DAPK3: variants seen among roughly 807,000 people sequenced by gnomAD.
The protein encoded by DAPK3 is death associated protein kinase 3, also known as death-associated protein kinase 3.
Under a neutral mutation model 30.6 loss-of-function variants are expected in DAPK3, and 24 were observed. The ratio of observed to expected loss-of-function variants is 0.78; its 90% CI spans 0.57 to 1.10. The LOEUF (loss-of-function observed/expected upper bound fraction) is 1.10, where lower values mean the gene tolerates loss of function less well. Ranked by LOEUF, DAPK3 falls within the 50% of genes least tolerant of loss-of-function variation. The pLI, the probability that DAPK3 is intolerant of heterozygous loss-of-function variation, is 0.00. For missense variants in DAPK3, 629 were observed against 657.3 expected, an observed-to-expected ratio of 0.96 and a Z score of 0.47; for synonymous variants, 341 against 284.0, an observed-to-expected ratio of 1.20 and a Z score of -2.02.
chr19:3,964,586 C>G (rs763920461), intron 3 of DAPK3, 45 bp downstream of exon 3: 1 of 1,558,624 alleles, frequency 6.4e-7, no homozygotes, highest in Non-Finnish European at 8.7e-7. Flanking sequence ...CCATCCCCAC[C>G]CCCACACTGG....
chr19:3,960,945 C>T, intron 7 of DAPK3, 64 bp downstream of exon 7: 1 of 1,569,602 alleles, frequency 6.4e-7, no homozygotes, highest in Non-Finnish European at 8.7e-7. Context: ...CCTCTGGAGC[C>T]TCCGTGGGTG....
Position 3,969,627 on chromosome 19 carries a change from G to A in DAPK3, c.62+47C>T, listed in dbSNP as rs147482057. The A allele has an allele frequency of 3.1e-4, 386 of 1,229,820 alleles. No individual in the cohort carries two copies. The East Asian group carries it at 3.2e-3, about 10-fold the overall frequency. The allele number at this position is 1,229,820 out of a possible 1,614,324, so 76.2% of individuals were successfully genotyped here. ...GCTGCTGTTCAGAAAACCCCACAGC[G>A]CCTCTCTCCTATCCCTGGAGCCCAG... is the stretch of plus-strand genomic sequence containing the variant. On this transcript the variant is annotated intron_variant, in intron 2 of 8. Coordinates refer to ENST00000545797, the MANE Select transcript of DAPK3 (RefSeq NM_001348.3).
chr19:3,967,344 C>G (rs2039588794), intron 2 of DAPK3, among the ~76,000 whole-genome samples: 1 of 152,040 alleles, frequency 6.6e-6, no homozygotes, highest in African/African-American at 2.4e-5. Flanking sequence ...CCCAGCTACT[C>G]GGGAGGCTGA....
rs2039484963 is a variant in DAPK3 at position 3,959,846 on chromosome 19, ACACACCAGCCAAG to A, written c.828+200_829-210del. ...GCCCCAGGAGTCAGCCCCGTTGGACACACACCAGCCAAGGATGCCACCAGGTCTGTCGGGTGCT... is the reference window on the plus strand; with the variant it reads ...GCCCCAGGAGTCAGCCCCGTTGGACAGATGCCACCAGGTCTGTCGGGTGCT... On this transcript the variant is annotated intron_variant, in intron 8 of 8. Coordinates refer to ENST00000545797, the MANE Select transcript of DAPK3 (RefSeq NM_001348.3). 4.6e-6 allele frequency: 3 copies of A among 656,312 alleles called. No individual in the cohort carries two copies. In the African/African-American group the frequency reaches 5.5e-5, roughly 12 times the overall value. The allele number at this position is 656,312 out of a possible 1,614,324, so 40.7% of individuals were successfully genotyped here.
rs2039558104 is a variant in DAPK3, at chr19:3,964,729, CCTT to C, written c.322_324del (p.Lys108del). 4.3e-6 allele frequency: 7 copies of C among 1,612,912 alleles called. No homozygotes were observed. The highest frequency in any genetic ancestry group is 5.1e-6 in the Non-Finnish European group (6 of 1,179,612). Reference sequence around the variant, plus strand: ...GTGGCCTCGTCCTCCGTCAGCGACTCCTTCTCCGCCAGGAAGTCAAAGAGCTCC... The same window carrying C: ...GTGGCCTCGTCCTCCGTCAGCGACTCCTCCGCCAGGAAGTCAAAGAGCTCC... On this transcript the variant is annotated inframe_deletion, in exon 3 of 9. Transcript: ENST00000545797.
chr19:3,963,298 C>T (rs558640902), intron 6 of DAPK3, among the ~76,000 whole-genome samples: 2 of 152,264 alleles, frequency 1.3e-5, no homozygotes, highest in Non-Finnish European at 2.9e-5. Context: ...AGCAGGCCCA[C>T]GTGTGGCCCA....
At chr19:3,966,655 G>A (rs976466474) in intron 2 of DAPK3, among the ~76,000 whole-genome samples, 4 of 152,140 alleles carry the variant, frequency 2.6e-5, no homozygotes. Context: ...AGTGGACTTC[G>A]GCCCCGGGGA....
At chr19:3,959,809 G>A (rs1454678017) in intron 8 of DAPK3, 172 bp from the exon 9 acceptor site, 3 of 781,286 alleles carry the variant, frequency 3.8e-6, no homozygotes, top group East Asian at 5.4e-5. Flanking sequence ...CGAGAAAAAC[G>A]CTGCGGCCCT....
Position 3,964,285 on chromosome 19 carries a change from C to A in DAPK3, c.512G>T (p.Gly171Val). 1 of 1,613,716 alleles carries A rather than the reference C, an allele frequency of 6.2e-7. No homozygotes were observed. The highest frequency in any genetic ancestry group is 8.5e-7 in the Non-Finnish European group (1 of 1,179,658). The change falls in exon 4 of 9, where the codon GGG becomes GTG. Residue 171 changes from glycine to valine, a missense_variant. By Grantham distance (109) the Gly-to-Val change is moderately radical. Around this residue, in one of 2 missense-constraint regions of DAPK3, gnomAD observed 306 missense variants for 378.5 expected, o/e 0.81. Transcript: ENST00000545797. ...GCCGAAGATGTTCTTGAACTCGTTCCCCGCCTCGATCTTGTGCGCGATGCC... is the reference window on the plus strand; with the variant it reads ...GCCGAAGATGTTCTTGAACTCGTTCACCGCCTCGATCTTGTGCGCGATGCC... ...DFGIAHKIEA[G>V]NEFKNIFGTP...
rs2039616216 is a variant in DAPK3 at position 3,969,802 on chromosome 19, G to C, written c.-67C>G. 1.7e-6 allele frequency: 2 copies of C among 1,169,740 alleles called. No homozygotes were observed. Among genetic ancestry groups the C allele is most frequent in the Non-Finnish European group, 2.6e-6 (2 of 783,504 alleles). The allele number at this position is 1,169,740 out of a possible 1,614,324, so 72.5% of individuals were successfully genotyped here. ...GTGCAGTCACCGCAGCCTGGAGATA[G>C]GACCTCAGGAGTCCCCTAATGGCAA... On this transcript the variant is annotated 5_prime_UTR_variant, in exon 2 of 9. Coordinates refer to ENST00000545797, the MANE Select transcript of DAPK3 (RefSeq NM_001348.3).
Position 3,963,887 on chromosome 19 carries a change from G to A in DAPK3, c.586C>T (p.Leu196=), listed in dbSNP as rs747596140. ...TACACTCACCACATGTCCGCCTCCA[G>A]GCCCAGCGGCTCATAGTTCACAATC... ...PEIVNYEPLG[L]EADMWSIGVI... is the part of the protein sequence containing the mutation. Residue 196 remains leucine, a synonymous_variant, in exon 5 of 9, where the codon CTG becomes TTG. Coordinates refer to ENST00000545797, the MANE Select transcript of DAPK3 (RefSeq NM_001348.3). The A allele has an allele frequency of 1.2e-6, 2 of 1,603,924 alleles. No individual in the cohort carries two copies. The highest frequency in any genetic ancestry group is 3.4e-5 in the Admixed American group (2 of 59,662).
chr19:3,964,125 G>C (rs1226830256), intron 4 of DAPK3, 119 bp downstream of exon 4: 11 of 975,766 alleles, frequency 1.1e-5, no homozygotes, highest in Middle Eastern at 2.3e-4. Context: ...GGGCCCAAGA[G>C]GGGTGGCTTC....
chr19:3,964,226 C>G lies in DAPK3; in HGVS notation c.553+18G>C, dbSNP rs1343094154. On this transcript the variant is annotated intron_variant, in intron 4 of 8. Transcript: ENST00000545797. ...CCACCCTCCCCAGGCCGGGGCTGCC[C>G]ACTGGGCAGGGCCTCACCCACAAAC... The G allele has an allele frequency of 1.3e-6, 2 of 1,595,016 alleles. No homozygotes were observed. The highest frequency in any genetic ancestry group is 1.7e-6 in the Non-Finnish European group (2 of 1,166,306).
Position 3,965,067 on chromosome 19 carries a change from C to T in DAPK3, c.63-76G>A, listed in dbSNP as rs1211212975. The T allele has an allele frequency of 1.4e-5, 11 of 759,344 alleles. No homozygotes were observed. The Admixed American group carries it at 2.1e-4, about 15-fold the overall frequency. 47.0% of individuals were successfully genotyped at this position (759,344 alleles called of 1,614,324 possible). A position where few individuals can be genotyped will look rare whatever the true frequency, so the allele number is the denominator to read the frequency against. On this transcript the variant is annotated intron_variant, in intron 2 of 8. Transcript: ENST00000545797. The stretch of plus-strand genomic sequence containing the variant: ...GTGGGGGTGGCTGGCTCCCCGTCAC[C>T]TCCACTTGCTCCTCTTGGGCGCGGC...
At chr19:3,965,103 G>A in intron 2 of DAPK3, 112 bp from the exon 3 acceptor site, 1 of 640,728 alleles carries the variant, frequency 1.6e-6, no homozygotes. Context: ...CCTGCACCAG[G>A]CACTTGAAGG....
At chr19:3,961,207 A>G (rs566367077) in intron 6 of DAPK3, 46 bp from the exon 7 acceptor site, 2 of 1,541,376 alleles carry the variant, frequency 1.3e-6, no homozygotes, top group South Asian at 2.3e-5. Flanking sequence ...GGCTCCCACC[A>G]CGGCCGCGCC....
At chr19:3,967,932 A>G (rs921282455) in intron 2 of DAPK3, among the ~76,000 whole-genome samples, 11 of 152,360 alleles carry the variant, frequency 7.2e-5, no homozygotes, top group African/African-American at 2.6e-4. Context: ...CATGAAATAC[A>G]CACCAGACCT....
At chr19:3,965,985 G>T (rs990187664) in intron 2 of DAPK3, among the ~76,000 whole-genome samples, 2 of 152,018 alleles carry the variant, frequency 1.3e-5, no homozygotes, top group African/African-American at 2.4e-5. Flanking sequence ...GGGTCTTGCC[G>T]TATTGCCCAG....
At position 3,958,904 on chromosome 19, in the gene DAPK3, G is replaced by C. The variant is rs1016021942; in HGVS notation, c.*197C>G. 6.9e-6 allele frequency: 4 copies of C among 583,780 alleles called. No individual in the cohort carries two copies. Among genetic ancestry groups the C allele is most frequent in the East Asian group, 2.9e-5 (1 of 34,386 alleles). The allele number at this position is 583,780 out of a possible 1,614,324, so 36.2% of individuals were successfully genotyped here. ...TGAAGGCCAGCGTGGAGGCTGTGTAGAGAAGCAGCCCCGTCCCACACCCAC... is the reference window on the plus strand; with the variant it reads ...TGAAGGCCAGCGTGGAGGCTGTGTACAGAAGCAGCCCCGTCCCACACCCAC... On this transcript the variant is annotated 3_prime_UTR_variant, in exon 9 of 9. Transcript: ENST00000545797.
Sources: gnomAD v4.1 joint callset for allele counts (sites outside exome capture counted in the v4.1 genomes callset) on GRCh38, gnomAD v4.1.1 for gene constraint, gnomAD v4.1.1 regional missense constraint, MANE v1.5 for transcripts, NCBI Gene and HGNC (gene_info 2026-07-23, HGNC 2026-07-21) for gene names.